Variants in CCDC88C observed in about 807,000 individuals in gnomAD.
CCDC88C encodes the protein coiled-coil and HOOK domain protein 88C, also known as protein Daple.
Under a neutral mutation model 198.8 loss-of-function variants are expected in CCDC88C, and 131 were observed. The observed-to-expected ratio is 0.66, with a 90% CI of 0.57 to 0.76. The LOEUF (loss-of-function observed/expected upper bound fraction) is 0.76. Among genes scored for constraint, CCDC88C ranks in the 30% least tolerant of loss-of-function variants. The pLI is 0.00. For missense variants in CCDC88C, 2,553 were observed against 2,631.6 expected (o/e 0.97, Z 0.65); for synonymous variants, 1,166 against 1,114.7 (o/e 1.05, Z -0.92).
At chr14:91,299,666 G>A (rs548516220) in intron 21 of CCDC88C, among the ~76,000 whole-genome samples, 1 of 152,340 alleles carries the variant, frequency 6.6e-6, no homozygotes, top group South Asian at 2.1e-4. Flanking sequence ...TGTGCCTGAT[G>A]CAATCCTCAC....
chr14:91,411,507 T>C (rs1211087944), intron 2 of CCDC88C, among the ~76,000 whole-genome samples: 3 of 152,180 alleles, frequency 2.0e-5, no homozygotes, highest in Non-Finnish European at 4.4e-5. Context: ...CAATCATCTT[T>C]ATATGATAGT....
chr14:91,375,281 G>A (rs560444506), intron 3 of CCDC88C, among the ~76,000 whole-genome samples: 1 of 152,284 alleles, frequency 6.6e-6, no homozygotes, highest in South Asian at 2.1e-4. Context: ...GTGCGCGCGC[G>A]CATGTGGGAG....
rs1409351148 is a variant in CCDC88C at position 91,371,970 on chromosome 14, G to C, written c.271-12259C>G. 6.6e-6 allele frequency among the ~76,000 whole-genome samples: 1 copy of C among 152,168 alleles called. No individual in the cohort carries two copies. Among genetic ancestry groups the C allele is most frequent in the African/African-American group, 2.4e-5 (1 of 41,440 alleles). Reference sequence around the variant, plus strand: ...TGAGGGTGGGAAAGGCAGGCAGTGGGGGCAGCCAGCCCCCAACCTCACGCC... The same window carrying C: ...TGAGGGTGGGAAAGGCAGGCAGTGGCGGCAGCCAGCCCCCAACCTCACGCC... On this transcript the variant is annotated intron_variant, in intron 3 of 29. Coordinates refer to ENST00000389857, the MANE Select transcript of CCDC88C (RefSeq NM_001080414.4). This position sits in a 1 kb window ranked among gnomAD's most constrained non-coding sequence, Gnocchi z 4.2.
At chr14:91,295,984 A>G (rs1246268344) in intron 22 of CCDC88C, among the ~76,000 whole-genome samples, 1 of 152,216 alleles carries the variant, frequency 6.6e-6, no homozygotes, top group Non-Finnish European at 1.5e-5. Context: ...CCTGCAAGCC[A>G]GGGAGAGGCC....
rs536014915 is a variant in CCDC88C at position 91,392,752 on chromosome 14, CCTCA to C, written c.270+15903_270+15906del. Reference sequence around the variant, plus strand: ...TGAGCCCCCTCACTCTCACCACGCCCCTCACTCTCACCGCGCCCCTCACTCTCAC... The same window carrying C: ...TGAGCCCCCTCACTCTCACCACGCCCCTCTCACCGCGCCCCTCACTCTCAC... On this transcript the variant is annotated intron_variant, in intron 3 of 29. Transcript: ENST00000389857. Among the ~76,000 whole-genome samples the C allele has an allele frequency of 5.3e-5, 8 of 151,566 alleles. No individual in the cohort carries two copies. The South Asian group carries it at 1.7e-3, about 32-fold the overall frequency.
chr14:91,329,244 A>G (rs1185171818), intron 10 of CCDC88C, among the ~76,000 whole-genome samples: 1 of 152,164 alleles, frequency 6.6e-6, no homozygotes, highest in Non-Finnish European at 1.5e-5. Context: ...GTCCTATTCA[A>G]CGTCTTAGTG....
intron 4 of CCDC88C, among the ~76,000 whole-genome samples, chr14:91,356,196 C>T (rs1894033421): frequency 6.6e-6 from 1 of 152,182 alleles, no homozygotes; most frequent in South Asian, 2.1e-4. Flanking sequence ...CTGCCCCTAG[C>T]ACTGGTGTCT....
At chr14:91,336,155 C>T (rs545540423) in intron 10 of CCDC88C, among the ~76,000 whole-genome samples, 1 of 152,336 alleles carries the variant, frequency 6.6e-6, no homozygotes, top group East Asian at 1.9e-4. Flanking sequence ...TGTCACTTCA[C>T]AGAGGCATGA....
chr14:91,322,631 ACC>A (rs1892403550), intron 12 of CCDC88C, among the ~76,000 whole-genome samples: 2 of 152,120 alleles, frequency 1.3e-5, no homozygotes, highest in African/African-American at 4.8e-5. Context: ...ATGGGGGTGA[ACC>A]CATTTTTAAA....
chr14:91,296,548 G>A (rs1567058009), intron 22 of CCDC88C, among the ~76,000 whole-genome samples: 1 of 152,222 alleles, frequency 6.6e-6, no homozygotes, highest in East Asian at 1.9e-4. Flanking sequence ...CAGGGTCCCA[G>A]GGTCTCTCAT....
chr14:91,308,830 T>A (rs1233461614), intron 16 of CCDC88C, among the ~76,000 whole-genome samples: 1 of 152,136 alleles, frequency 6.6e-6, no homozygotes, highest in Non-Finnish European at 1.5e-5. Flanking sequence ...CTAGGTTAAG[T>A]GGTAAGTCTA....
At chr14:91,282,885 G>T (rs915131304) in intron 26 of CCDC88C, among the ~76,000 whole-genome samples, 4 of 152,228 alleles carry the variant, frequency 2.6e-5, no homozygotes, top group East Asian at 1.9e-4. Flanking sequence ...AACATGATGA[G>T]ACCACATATC....
At chr14:91,298,075 G>T (rs1461167635) in intron 21 of CCDC88C, among the ~76,000 whole-genome samples, 2 of 152,168 alleles carry the variant, frequency 1.3e-5, no homozygotes, top group South Asian at 2.1e-4. Context: ...CTCATTACCA[G>T]GGTCTTGTGG....
rs1567055544 is a variant in CCDC88C at position 91,293,501 on chromosome 14, T to TCACCTTCCCATCCTCACCC, written c.4112+671_4112+672insGGGTGAGGATGGGAAGGTG. On this transcript the variant is annotated intron_variant, in intron 23 of 29. Coordinates refer to ENST00000389857, the MANE Select transcript of CCDC88C (RefSeq NM_001080414.4). ...CACAGCTCACCTTCCCATCCTCACC[T>TCACCTTCCCATCCTCACCC]GCCACGGCCTACCTTCCTGTCCCCT... Among the ~76,000 whole-genome samples the TCACCTTCCCATCCTCACCC allele has an allele frequency of 2.0e-4, 5 of 24,460 alleles. 2 individuals carry two copies. Among genetic ancestry groups the TCACCTTCCCATCCTCACCC allele is most frequent in the African/African-American group, 9.7e-4 (5 of 5,176 alleles). The allele number at this position is 24,460 out of a possible 152,430, so 16.0% of individuals were successfully genotyped here.
At chr14:91,340,454 A>T (rs1234331001) in intron 6 of CCDC88C, among the ~76,000 whole-genome samples, 1 of 152,210 alleles carries the variant, frequency 6.6e-6, no homozygotes, top group African/African-American at 2.4e-5. Context: ...GTTGTGTACA[A>T]AGCAATCTTG....
rs61742126 is a variant in CCDC88C at position 91,273,058 on chromosome 14, C to T, written c.5654G>A (p.Arg1885His). Residue 1885 changes from arginine to histidine, a missense_variant, in exon 30 of 30, where the codon CGC becomes CAC. Around this residue, in one of 2 missense-constraint regions of CCDC88C, gnomAD observed 1,293 missense variants for 1,219.6 expected, o/e 1.06. Coordinates refer to ENST00000389857, the MANE Select transcript of CCDC88C (RefSeq NM_001080414.4). This position sits in a 1 kb window ranked among gnomAD's most constrained non-coding sequence, Gnocchi z 5.6. ...GPRSRPLDTR[R>H]FSLAPPKEER... is the part of the protein sequence containing the mutation. ...CTCCTTTGGGGGAGCCAGGGAGAAGCGCCTCGTGTCCAGCGGCCGGCTGCG... is the reference window on the plus strand; with the variant it reads ...CTCCTTTGGGGGAGCCAGGGAGAAGTGCCTCGTGTCCAGCGGCCGGCTGCG... 756 of 1,556,670 alleles carry T rather than the reference C, an allele frequency of 4.9e-4. 3 individuals are homozygous for T. The African/African-American group carries it at 8.3e-3, about 17-fold the overall frequency.
chr14:91,277,761 G>T (rs1207674244), intron 29 of CCDC88C, among the ~76,000 whole-genome samples, 161 bp downstream of exon 29: 1 of 152,230 alleles, frequency 6.6e-6, no homozygotes, highest in Non-Finnish European at 1.5e-5. Flanking sequence ...CTGGCTTGCG[G>T]TGACTTGTCA....
intron 3 of CCDC88C, among the ~76,000 whole-genome samples, chr14:91,392,012 T>C (rs1022636477): frequency 4.6e-5 from 7 of 152,012 alleles, no homozygotes; most frequent in African/African-American, 1.2e-4. Context: ...AATCTGAACA[T>C]ACACTTGGAT....
At chr14:91,374,228 A>C (rs1894971165) in intron 3 of CCDC88C, among the ~76,000 whole-genome samples, 1 of 152,232 alleles carries the variant, frequency 6.6e-6, no homozygotes, top group African/African-American at 2.4e-5. Context: ...ACAGCAATAA[A>C]TCAGCATGCT....
Sources: allele counts gnomAD v4.1 joint callset (sites outside exome capture counted in the v4.1 genomes callset), GRCh38; gene constraint gnomAD v4.1.1; regional missense constraint gnomAD v4.1.1; non-coding constraint Gnocchi (gnomAD v3.1); transcripts MANE v1.5; gene names NCBI Gene and HGNC (gene_info 2026-07-23, HGNC 2026-07-21).